The following TMEM38B variants were observed in gnomAD, a reference collection of about 807,000 sequenced individuals.
The protein encoded by TMEM38B is transmembrane protein 38B.
In TMEM38B, 24 loss-of-function variants were observed where a neutral mutation model predicts 28.7. That is an observed-to-expected ratio of 0.84 (90% CI 0.61 to 1.18). The LOEUF (loss-of-function observed/expected upper bound fraction) is 1.18. TMEM38B is among the 50% of genes most tolerant of loss of function. The pLI is 0.00. For synonymous variants in TMEM38B, 131 were observed against 127.7 expected (o/e 1.03, Z -0.17); for missense variants, 380 against 350.9 (o/e 1.08, Z -0.66).
intron 3 of TMEM38B, among the ~76,000 whole-genome samples, chr9:105,722,085 T>A (rs1836339355): frequency 6.6e-6 from 1 of 152,216 alleles, no homozygotes; most frequent in African/African-American, 2.4e-5. Context: ...TTTCTGTGTT[T>A]TTTTCATTCA....
intron 5 of TMEM38B, chr9:105,758,524 T>C: frequency 8.1e-7 from 1 of 1,238,012 alleles, no homozygotes; most frequent in Non-Finnish European, 1.2e-6. Flanking sequence ...GGTCCTAAAG[T>C]TACAAGACAA....
intron 1 of TMEM38B, among the ~76,000 whole-genome samples, chr9:105,698,904 G>C (rs1425855330): frequency 6.6e-6 from 1 of 151,916 alleles, no homozygotes; most frequent in Non-Finnish European, 1.5e-5. Context: ...AGTCATTTTG[G>C]TAATTTATGT....
At chr9:105,696,923 G>A (rs1461246265) in intron 1 of TMEM38B, among the ~76,000 whole-genome samples, 5 of 152,270 alleles carry the variant, frequency 3.3e-5, no homozygotes, top group African/African-American at 1.2e-4. Flanking sequence ...AGTCAACATG[G>A]CGGATGTTGG....
At chr9:105,713,215 C>G (rs1588403432) in intron 2 of TMEM38B, among the ~76,000 whole-genome samples, 1 of 152,160 alleles carries the variant, frequency 6.6e-6, no homozygotes, top group Non-Finnish European at 1.5e-5. Flanking sequence ...GTAGTGGCTG[C>G]AATCCCTGAC....
At chr9:105,741,429 T>G (rs1837198937) in intron 4 of TMEM38B, among the ~76,000 whole-genome samples, 1 of 152,192 alleles carries the variant, frequency 6.6e-6, no homozygotes, top group Non-Finnish European at 1.5e-5. Context: ...AGGAGCATAT[T>G]AGAGCCTATA....
chr9:105,770,052 G>A (rs914867885), intron 5 of TMEM38B, among the ~76,000 whole-genome samples: 1 of 152,006 alleles, frequency 6.6e-6, no homozygotes, highest in African/African-American at 2.4e-5. Flanking sequence ...GGCCCTTTTG[G>A]GGATCCAAAT....
At chr9:105,738,020 C>G (rs903888025) in intron 4 of TMEM38B, among the ~76,000 whole-genome samples, 3 of 152,058 alleles carry the variant, frequency 2.0e-5, no homozygotes, top group Non-Finnish European at 4.4e-5. Context: ...GATAACAAAA[C>G]CTCAGGGATG....
intron 4 of TMEM38B, among the ~76,000 whole-genome samples, chr9:105,738,559 A>C (rs372463286): frequency 2.7e-4 from 41 of 152,086 alleles, no homozygotes; most frequent in African/African-American, 8.9e-4. Context: ...CACCTTGCTA[A>C]CATCACTCTA....
At chr9:105,697,944 GT>G (rs1401873033) in intron 1 of TMEM38B, among the ~76,000 whole-genome samples, 1 of 152,024 alleles carries the variant, frequency 6.6e-6, no homozygotes, top group Non-Finnish European at 1.5e-5. Context: ...TTGTATAGAT[GT>G]TCCTTTGCAA....
At position 105,694,666 on chromosome 9, in the gene TMEM38B, T is replaced by G; in HGVS notation, c.6T>G (p.Asp2Glu). 1 of 1,613,488 alleles carries G rather than the reference T, an allele frequency of 6.2e-7. No homozygotes were observed. The highest frequency in any genetic ancestry group is 8.5e-7 in the Non-Finnish European group (1 of 1,179,610). Residue 2 changes from aspartate (D) to glutamate (E), a missense_variant, in exon 1 of 6, where the codon GAT becomes GAG. By Grantham distance (45) the Asp-to-Glu change is conservative (BLOSUM62 2). Coordinates refer to ENST00000374692, the MANE Select transcript of TMEM38B (RefSeq NM_018112.3). Reference sequence around the variant, plus strand: ...TGCCGCGGTCGGTGGTCGTTATGGATTCTCCATGGGACGAGTTGGCTCTGG... The same window carrying G: ...TGCCGCGGTCGGTGGTCGTTATGGAGTCTCCATGGGACGAGTTGGCTCTGG... MDSPWDELALAF... is the reference protein window; with the variant it reads MESPWDELALAF...
At chr9:105,706,986 C>A (rs111753753) in intron 2 of TMEM38B, among the ~76,000 whole-genome samples, 1 of 152,096 alleles carries the variant, frequency 6.6e-6, no homozygotes, top group African/African-American at 2.4e-5. Context: ...CAATGTTGGC[C>A]AGGCTGTTCT....
At chr9:105,697,249 T>C (rs554648195) in intron 1 of TMEM38B, among the ~76,000 whole-genome samples, 5 of 152,290 alleles carry the variant, frequency 3.3e-5, no homozygotes, top group African/African-American at 7.2e-5. Context: ...ATTAATCTGT[T>C]TACTAATTTT....
intron 2 of TMEM38B, among the ~76,000 whole-genome samples, chr9:105,708,561 C>T (rs537242513): frequency 6.6e-6 from 1 of 152,162 alleles, no homozygotes; most frequent in African/African-American, 2.4e-5. Flanking sequence ...CTGCAAAATA[C>T]TCGCTTTCAC....
intron 5 of TMEM38B, chr9:105,749,348 T>C (rs7858663): frequency 0.21 from 40,265 of 193,710 alleles, 7,244 homozygotes; most frequent in African/African-American, 0.51. Flanking sequence ...TGGTGGAAGG[T>C]GGAGGAGGAG....
intron 4 of TMEM38B, among the ~76,000 whole-genome samples, chr9:105,727,433 A>G (rs541508715): frequency 6.6e-6 from 1 of 152,356 alleles, no homozygotes; most frequent in Admixed American, 6.5e-5. Context: ...TGCATATACA[A>G]GGTGACTATC....
chr9:105,730,120 T>C (rs1457371453), intron 4 of TMEM38B, among the ~76,000 whole-genome samples: 8 of 152,178 alleles, frequency 5.3e-5, no homozygotes, highest in African/African-American at 1.7e-4. Flanking sequence ...CTATGTTGAA[T>C]AGGAGTGGTG....
chr9:105,741,354 T>C (rs1486916688), intron 4 of TMEM38B, among the ~76,000 whole-genome samples: 1 of 152,162 alleles, frequency 6.6e-6, no homozygotes, highest in Non-Finnish European at 1.5e-5. Context: ...GCTAGAGGAA[T>C]TTTGAAGTGC....
chr9:105,706,392 A>C (rs1213664946), intron 2 of TMEM38B, among the ~76,000 whole-genome samples: 1 of 152,188 alleles, frequency 6.6e-6, no homozygotes, highest in African/African-American at 2.4e-5. Context: ...GATTAGAGAG[A>C]CCAGTATGCG....
In TMEM38B at chr9:105,748,084, T is replaced by C; in HGVS notation, c.554T>C (p.Val185Ala). 1 of 1,612,422 alleles carries C rather than the reference T, an allele frequency of 6.2e-7. No homozygotes were observed. Residue 185 changes from valine (V) to alanine (A), a missense_variant, in exon 5 of 6, where the codon GTA becomes GCA. Val to Ala is a moderately conservative substitution (Grantham distance 64). Transcript: ENST00000374692. ...TGTTTTATTTTCAGCCCTGCCAAGG[T>C]AACCCTGCTGGGGTCAGTTATCTTC... Reference protein sequence around the residue: ...EWLKMSYPAKVTLLGSVIFTF... With the variant: ...EWLKMSYPAKATLLGSVIFTF...
Sources: gnomAD v4.1 joint callset for allele counts (sites outside exome capture counted in the v4.1 genomes callset) on GRCh38, gnomAD v4.1.1 for gene constraint, MANE v1.5 for transcripts, NCBI Gene and HGNC (gene_info 2026-07-23, HGNC 2026-07-21) for gene names.